The following MRPL48 variants were observed in gnomAD, a reference collection of about 807,000 sequenced individuals.
MRPL48 encodes mitochondrial ribosomal protein L48.
MRPL48 carries 16 observed loss-of-function variants against 32.9 expected under a neutral mutation model. That is an observed-to-expected ratio of 0.49 (90% confidence interval 0.33 to 0.74). The LOEUF (loss-of-function observed/expected upper bound fraction) is 0.74, where lower values mean the gene tolerates loss of function less well. MRPL48 is among the 30% of genes least tolerant of loss of function. The pLI, the probability that MRPL48 is intolerant of heterozygous loss-of-function variation, is 0.02. For synonymous variants in MRPL48, 94 were observed against 89.2 expected, an observed-to-expected ratio of 1.05 and a Z score of -0.31; for missense variants, 206 against 245.3, an observed-to-expected ratio of 0.84 and a Z score of 1.07.
intron 1 of MRPL48, among the ~76,000 whole-genome samples, chr11:73,800,537 T>C (rs1214485627): frequency 6.6e-6 from 1 of 152,074 alleles, no homozygotes. Flanking sequence ...CATGGGAGTA[T>C]TTTTGTTACC....
intron 1 of MRPL48, among the ~76,000 whole-genome samples, chr11:73,792,497 T>A (rs1000581424): frequency 2.0e-5 from 3 of 152,224 alleles, no homozygotes; most frequent in African/African-American, 7.2e-5. Context: ...ATAAGATGTT[T>A]TCACATTTCA....
chr11:73,842,035 C>T (rs1403998215), intron 4 of MRPL48: 1 of 152,206 alleles, frequency 6.6e-6, no homozygotes, highest in Non-Finnish European at 1.5e-5. Flanking sequence ...ACTGCAACCT[C>T]TGCCTCCCAG....
chr11:73,797,590 A>T (rs532154348), intron 1 of MRPL48, among the ~76,000 whole-genome samples: 1 of 152,300 alleles, frequency 6.6e-6, no homozygotes, highest in South Asian at 2.1e-4. Flanking sequence ...CCTCGCAGAG[A>T]GCCAGTGCCT....
intron 4 of MRPL48, among the ~76,000 whole-genome samples, chr11:73,839,485 G>A (rs1237941062): frequency 6.6e-6 from 1 of 152,138 alleles, no homozygotes; most frequent in African/African-American, 2.4e-5. Flanking sequence ...GAAGAGTAGA[G>A]AAACAAATGC....
At position 73,825,754 on chromosome 11, in the gene MRPL48, C is replaced by A; in HGVS notation, c.159C>A (p.Thr53=). The part of the protein sequence containing the change: ...SISRPYKTKP[T]HGIGKYKHLI... The stretch of plus-strand genomic sequence containing the variant: ...GTCGGCCCTACAAGACAAAGCCCAC[C>A]CACGGCATTGGAAAGTACAAGCACT... Residue 53 remains threonine, a synonymous_variant, in exon 4 of 8, where the codon ACC becomes ACA. Transcript: ENST00000310614. The A allele has an allele frequency of 1.3e-6, 2 of 1,570,046 alleles. No individual in the cohort carries two copies. The highest frequency in any genetic ancestry group is 1.7e-6 in the Non-Finnish European group (2 of 1,157,636).
chr11:73,800,217 G>A (rs1947333200), intron 1 of MRPL48, among the ~76,000 whole-genome samples: 1 of 151,562 alleles, frequency 6.6e-6, no homozygotes, highest in Non-Finnish European at 1.5e-5. Flanking sequence ...GAGACAGCAT[G>A]GGCAATATAG....
chr11:73,804,005 C>T (rs532226993), intron 1 of MRPL48, among the ~76,000 whole-genome samples: 20 of 152,116 alleles, frequency 1.3e-4, no homozygotes, highest in Admixed American at 3.3e-4. Flanking sequence ...CTGCAACCTC[C>T]GCCTCCTGGG....
chr11:73,849,528 T>A (rs1157136058), intron 5 of MRPL48, among the ~76,000 whole-genome samples: 1 of 152,264 alleles, frequency 6.6e-6, no homozygotes, highest in African/African-American at 2.4e-5. Context: ...TTTTGATTCT[T>A]CTTTTGCTTA....
chr11:73,835,860 T>G (rs900521211), intron 4 of MRPL48, among the ~76,000 whole-genome samples: 3 of 152,154 alleles, frequency 2.0e-5, no homozygotes, highest in African/African-American at 7.2e-5. Flanking sequence ...ATCATGCCAC[T>G]ACACCCTAGC....
chr11:73,823,663 T>TG (rs1341586418), intron 3 of MRPL48, among the ~76,000 whole-genome samples: 18 of 149,734 alleles, frequency 1.2e-4, no homozygotes, highest in African/African-American at 4.2e-4. Flanking sequence ...TGTTTTTTTT[T>TG]TTTTTTTTTT....
intron 5 of MRPL48, among the ~76,000 whole-genome samples, chr11:73,846,583 C>T (rs1422925621): frequency 2.0e-5 from 3 of 152,002 alleles, no homozygotes; most frequent in Non-Finnish European, 4.4e-5. Context: ...TGGTCTCGAA[C>T]TCCTGACCTC....
intron 1 of MRPL48, among the ~76,000 whole-genome samples, chr11:73,803,729 CT>C (rs955229079): frequency 1.4e-4 from 21 of 150,912 alleles, no homozygotes; most frequent in African/African-American, 5.1e-4. Flanking sequence ...TAAGAACAGA[CT>C]TTTTTTTTGT....
At chr11:73,841,484 A>G (rs1948184623) in intron 4 of MRPL48, among the ~76,000 whole-genome samples, 1 of 152,256 alleles carries the variant, frequency 6.6e-6, no homozygotes, top group Admixed American at 6.5e-5. Flanking sequence ...GCCATTCCAC[A>G]TAATGCCTGG....
rs1267947159 is a variant in MRPL48 at position 73,816,984 on chromosome 11, C to A, written c.112+8634C>A. Among the ~76,000 whole-genome samples the A allele has an allele frequency of 2.6e-5, 4 of 151,814 alleles. No individual in the cohort carries two copies. In the East Asian group the frequency reaches 5.8e-4, roughly 22 times the overall value. On this transcript the variant is annotated intron_variant, in intron 3 of 7. Coordinates refer to ENST00000310614, the MANE Select transcript of MRPL48 (RefSeq NM_016055.6). ...GGGATTACAGGTGTGCACTACCATG[C>A]CTGGCTAATTGTTTTTGTATTTTTT...
At chr11:73,820,985 T>G (rs1262529709) in intron 3 of MRPL48, among the ~76,000 whole-genome samples, 3 of 151,772 alleles carry the variant, frequency 2.0e-5, no homozygotes, top group African/African-American at 7.3e-5. Flanking sequence ...TTTCATCACT[T>G]ACCAGAATTT....
rs17850551 is a variant in MRPL48 at position 73,787,988 on chromosome 11, A to G, written c.17A>G (p.Glu6Gly). The G allele has an allele frequency of 6.3e-7, 1 of 1,592,842 alleles. No individual in the cohort carries two copies. The highest frequency in any genetic ancestry group is 2.3e-5 in the East Asian group (1 of 43,996). Residue 6 changes from glutamate (E) to glycine (G), a missense_variant, in exon 1 of 8, where the codon GAA becomes GGA. Glu to Gly is a moderately conservative substitution (Grantham distance 98, BLOSUM62 -2). Coordinates refer to ENST00000310614, the MANE Select transcript of MRPL48 (RefSeq NM_016055.6). Reference protein sequence around the residue: MSGTLEKVLCLRNNTI... With the variant: MSGTLGKVLCLRNNTI... ...CAGCAAAGGATGAGCGGAACCTTGG[A>G]AAAGGTAACGTAGATTCCACGCACG... is the stretch of plus-strand genomic sequence containing the variant.
rs117983195 is a variant in MRPL48 at position 73,822,889 on chromosome 11, C to T, written c.113-2819C>T. ...CTGTCTCCTCTCAGATCAGCTGTGG[C>T]GTTAGATTCTCATAGGAGCATGAAC... On this transcript the variant is annotated intron_variant, in intron 3 of 7. Transcript: ENST00000310614. The T allele has an allele frequency of 3.4e-5, 13 of 377,464 alleles. No individual in the cohort carries two copies. The East Asian group carries it at 4.5e-4, about 13-fold the overall frequency. The allele number at this position is 377,464 out of a possible 1,614,324, so 23.4% of individuals were successfully genotyped here.
At chr11:73,830,926 G>A (rs565085353) in intron 4 of MRPL48, among the ~76,000 whole-genome samples, 40 of 151,474 alleles carry the variant, frequency 2.6e-4, no homozygotes, top group African/African-American at 7.0e-4. Context: ...TGTAATGTCC[G>A]CCTTCCGGGT....
intron 3 of MRPL48, among the ~76,000 whole-genome samples, chr11:73,813,470 G>A (rs953473028): frequency 2.6e-5 from 4 of 151,730 alleles, no homozygotes; most frequent in Non-Finnish European, 4.4e-5. Flanking sequence ...CACTGTGCCT[G>A]GCCCATTTAT....
Sources: gnomAD v4.1 joint callset for allele counts (sites outside exome capture counted in the v4.1 genomes callset) on GRCh38, gnomAD v4.1.1 for gene constraint, MANE v1.5 for transcripts, NCBI Gene and HGNC (gene_info 2026-07-23, HGNC 2026-07-21) for gene names.